The following MAP3K13 variants were observed in gnomAD, a reference collection of about 807,000 sequenced individuals.
MAP3K13 encodes leucine zipper-bearing kinase.
In MAP3K13, 52 loss-of-function variants were observed where a neutral mutation model predicts 104.0. The ratio of observed to expected loss-of-function variants is 0.50; its 90% CI spans 0.40 to 0.63. The LOEUF (loss-of-function observed/expected upper bound fraction) is 0.63. Among genes scored for constraint, MAP3K13 ranks in the 20% least tolerant of loss-of-function variants. MAP3K13 has a pLI of 0.00. For synonymous variants in MAP3K13, 394 were observed against 442.2 expected, an observed-to-expected ratio of 0.89 and a Z score of 1.37; for missense variants, 914 against 1,218.5, an observed-to-expected ratio of 0.75 and a Z score of 3.72.
At chr3:185,314,231 C>T (rs1216340681) in intron 2 of MAP3K13, among the ~76,000 whole-genome samples, 2 of 152,158 alleles carry the variant, frequency 1.3e-5, no homozygotes, top group East Asian at 1.9e-4. Context: ...CCTTGTAAGA[C>T]ATGGAATAAA....
chr3:185,310,142 A>G (rs1721445299), intron 2 of MAP3K13, among the ~76,000 whole-genome samples: 1 of 152,216 alleles, frequency 6.6e-6, no homozygotes, highest in African/African-American at 2.4e-5. Context: ...CACATGAAGC[A>G]CAAGATAGTA....
chr3:185,473,730 C>G lies in MAP3K13; in HGVS notation c.2399C>G (p.Ala800Gly). ...ACCTCTCATCTCGGCACCCCTCCAGCGCTACCTCGAAAAACAAGGCCTCTG... is the reference window on the plus strand; with the variant it reads ...ACCTCTCATCTCGGCACCCCTCCAGGGCTACCTCGAAAAACAAGGCCTCTG... ...LGTSHLGTPP[A>G]LPRKTRPLQK... Residue 800 changes from alanine to glycine, a missense_variant, in exon 11 of 14, where the codon GCG becomes GGG. Physicochemically the swap from Ala to Gly is moderately conservative, Grantham distance 60. This residue lies in a region of MAP3K13 where 583 missense variants were observed against 737.4 expected (regional missense o/e 0.79). Coordinates refer to ENST00000265026, the MANE Select transcript of MAP3K13 (RefSeq NM_004721.5). The surrounding 1 kb of genome is among the most constrained non-coding windows in gnomAD (Gnocchi z 4.9). 6.2e-7 allele frequency: 1 copy of G among 1,613,668 alleles called. No homozygotes were observed. The highest frequency in any genetic ancestry group is 8.5e-7 in the Non-Finnish European group (1 of 1,179,936).
intron 1 of MAP3K13, among the ~76,000 whole-genome samples, chr3:185,413,516 G>A (rs531972893): frequency 6.6e-6 from 1 of 152,104 alleles, no homozygotes; most frequent in Non-Finnish European, 1.5e-5. Context: ...CAAGTATAGA[G>A]TTTTAATGTT....
intron 10 of MAP3K13, among the ~76,000 whole-genome samples, chr3:185,468,320 G>A (rs1297442911): frequency 6.6e-6 from 1 of 152,168 alleles, no homozygotes; most frequent in East Asian, 1.9e-4. Flanking sequence ...TGTATAACAT[G>A]TGAAATCATC....
intron 2 of MAP3K13, among the ~76,000 whole-genome samples, chr3:185,357,447 T>TAA (rs71162295): frequency 1.3e-3 from 118 of 91,348 alleles, no homozygotes; most frequent in African/African-American, 3.7e-3. Context: ...AAACTCCATC[T>TAA]AAAAAAAAAA....
At chr3:185,329,706 G>C (rs1722174259) in intron 2 of MAP3K13, among the ~76,000 whole-genome samples, 1 of 152,114 alleles carries the variant, frequency 6.6e-6, no homozygotes, top group African/African-American at 2.4e-5. Flanking sequence ...TTAGGATCCA[G>C]GAACTACACA....
intron 1 of MAP3K13, among the ~76,000 whole-genome samples, chr3:185,375,148 G>C (rs35583485): frequency 1.3e-5 from 2 of 152,032 alleles, no homozygotes; most frequent in Non-Finnish European, 2.9e-5. Flanking sequence ...AGCCCAAACC[G>C]AGGAATTATG....
chr3:185,439,965 G>A (rs748766682), intron 3 of MAP3K13, among the ~76,000 whole-genome samples: 8 of 152,120 alleles, frequency 5.3e-5, no homozygotes, highest in Non-Finnish European at 8.8e-5. Context: ...GTGTTGCTTG[G>A]CCAATGAATC....
chr3:185,478,520 GC>G (rs914388204), intron 12 of MAP3K13, among the ~76,000 whole-genome samples: 1 of 151,800 alleles, frequency 6.6e-6, no homozygotes, highest in Non-Finnish European at 1.5e-5. Flanking sequence ...TCCATGATCT[GC>G]CCCCCTGACC....
At chr3:185,291,748 C>T (rs1320442392) in intron 2 of MAP3K13, 6 of 1,489,618 alleles carry the variant, frequency 4.0e-6, no homozygotes, top group Non-Finnish European at 5.3e-6. Context: ...CTCCATTGAA[C>T]CCTCTCACAA....
intron 7 of MAP3K13, among the ~76,000 whole-genome samples, chr3:185,457,291 G>A (rs1716820508): frequency 1.3e-5 from 2 of 152,180 alleles, no homozygotes; most frequent in Non-Finnish European, 2.9e-5. Context: ...AGAGAAGAGG[G>A]GAGAAGAAAA....
chr3:185,435,431 T>C (rs182685334), intron 2 of MAP3K13, among the ~76,000 whole-genome samples: 163 of 152,352 alleles, frequency 1.1e-3, no homozygotes, highest in African/African-American at 3.6e-3. Context: ...TGAGATTTCA[T>C]GAGCCACTTA....
chr3:185,368,685 G>A (rs1023814154), intron 1 of MAP3K13, among the ~76,000 whole-genome samples: 2 of 151,992 alleles, frequency 1.3e-5, no homozygotes, highest in Non-Finnish European at 2.9e-5. Context: ...TTTCAGGTGC[G>A]GTGGCTCACA....
intron 1 of MAP3K13, among the ~76,000 whole-genome samples, chr3:185,373,823 A>ATTTTT (rs148364519): frequency 7.9e-5 from 9 of 113,360 alleles, no homozygotes; most frequent in African/African-American, 3.2e-4. Context: ...AGTGAAAAGG[A>ATTTTT]TTTTTTTTTT....
Position 185,471,098 on chromosome 3 carries a change from C to T in MAP3K13, c.1644-1877C>T, listed in dbSNP as rs546891548. ...CCATAGAAACTCTTGAAAAATTGCC[C>T]TTGTTTGATGAGATGAATGAGCAGG... On this transcript the variant is annotated intron_variant, in intron 10 of 13. Transcript: ENST00000265026. Among the ~76,000 whole-genome samples, 9 of 152,208 alleles carry T rather than the reference C, an allele frequency of 5.9e-5. 1 individual carries two copies. In the South Asian group the frequency reaches 1.9e-3, roughly 32 times the overall value.
rs138658186 is a variant in MAP3K13, at chr3:185,356,315, A to G, written c.-86+70672A>G. On this transcript the variant is annotated intron_variant, in intron 2 of 14. Coordinates refer to the MAP3K13 transcript ENST00000424227. ...TAGGATGAAAGAGAATCAATTAATG[A>G]CATTGTGTTAATAAGTACTCTTTTG... is the stretch of plus-strand genomic sequence containing the variant. Among the ~76,000 whole-genome samples the G allele has an allele frequency of 1.6e-3, 244 of 152,350 alleles. No individual in the cohort carries two copies. The Middle Eastern group carries it at 0.017, about 11-fold the overall frequency.
At chr3:185,292,001 C>A in intron 2 of MAP3K13, 1 of 1,019,048 alleles carries the variant, frequency 9.8e-7, no homozygotes, top group East Asian at 8.7e-5. Flanking sequence ...TTTATCATAT[C>A]CTATAAAAAG....
intron 1 of MAP3K13, among the ~76,000 whole-genome samples, chr3:185,380,221 C>T (rs1724641936): frequency 7.1e-6 from 1 of 140,536 alleles, no homozygotes; most frequent in South Asian, 2.3e-4. Flanking sequence ...AGAAGAAGTG[C>T]TCATTCTCAG....
intron 2 of MAP3K13, among the ~76,000 whole-genome samples, chr3:185,430,137 A>G (rs376701469): frequency 6.6e-6 from 1 of 152,150 alleles, no homozygotes; most frequent in Non-Finnish European, 1.5e-5. Context: ...CAGAGGCTGC[A>G]GAGAGCCAAG....
Sources: allele counts gnomAD v4.1 joint callset (sites outside exome capture counted in the v4.1 genomes callset), GRCh38; gene constraint gnomAD v4.1.1; regional missense constraint gnomAD v4.1.1; non-coding constraint Gnocchi (gnomAD v3.1); transcripts MANE v1.5; gene names NCBI Gene and HGNC (gene_info 2026-07-23, HGNC 2026-07-21).